SCN9A: variants seen among roughly 807,000 people sequenced by gnomAD.
SCN9A encodes sodium channel protein type 9 subunit alpha.
A neutral mutation model predicts 187.0 loss-of-function variants in SCN9A; 131 were observed. The ratio of observed to expected loss-of-function variants is 0.70; its 90% CI spans 0.61 to 0.81. SCN9A has a LOEUF of 0.81. Ranked by LOEUF, SCN9A falls within the 30% of genes least tolerant of loss-of-function variation. The probability of loss-of-function intolerance (pLI) is 0.00; values close to 1 mark genes in which losing one functional copy is unlikely to be tolerated. For synonymous variants in SCN9A, 809 were observed against 808.6 expected (o/e 1.00, Z -0.01); for missense variants, 2,252 against 2,396.6 (o/e 0.94, Z 1.26).
chr2:166,219,077 C>T (rs1035518721), intron 24 of SCN9A, among the ~76,000 whole-genome samples: 19 of 152,038 alleles, frequency 1.2e-4, no homozygotes, highest in Admixed American at 9.8e-4. Context: ...CAGATGCTGG[C>T]GAGGGTGTGG....
intron 1 of SCN9A, among the ~76,000 whole-genome samples, chr2:166,334,384 C>T (rs1033000592): frequency 1.3e-5 from 2 of 152,088 alleles, no homozygotes; most frequent in African/African-American, 4.8e-5. Context: ...GAAGAGGCAA[C>T]ACTGTTCATA....
At position 166,272,809 on chromosome 2, in the gene SCN9A, C is replaced by A. The variant is rs1263863618; in HGVS notation, c.2941G>T (p.Glu981Ter). ...TGGAGGTTGTTTGCATCAGGGTCTT[C>A]TTCAATTGCTGTAAGATTGTCTGAA... ...FSSDNLTAIEEDPDANNLQIA... is the reference protein window; with the variant it reads ...FSSDNLTAIE Residue 981 changes from glutamate to a stop codon, truncating the protein, a stop_gained, in exon 17 of 27, where the codon GAA becomes TAA. Coordinates refer to ENST00000642356, the MANE Select transcript of SCN9A (RefSeq NM_001365536.1). LOFTEE classifies it high-confidence loss of function. 2 of 1,520,756 alleles carry A rather than the reference C, an allele frequency of 1.3e-6. No individual in the cohort carries two copies. Among genetic ancestry groups the A allele is most frequent in the Admixed American group, 2.2e-5 (1 of 44,508 alleles). The allele number at this position is 1,520,756 out of a possible 1,614,324, so 94.2% of individuals were successfully genotyped here.
In SCN9A at chr2:166,280,720, A is replaced by G. The variant is rs911906293; in HGVS notation, c.2105-125T>C. 1.3e-5 allele frequency: 8 copies of G among 634,514 alleles called. No individual in the cohort carries two copies. The Admixed American group carries it at 2.3e-4, about 19-fold the overall frequency. The allele number at this position is 634,514 out of a possible 1,614,324, so 39.3% of individuals were successfully genotyped here. On this transcript the variant is annotated intron_variant, in intron 13 of 26. Transcript: ENST00000642356. ...ATAGTTTAGATTTTGAAAATTTAAC[A>G]GTACTATTTCAATGAAAGCATAGCC...
intron 5 of SCN9A, among the ~76,000 whole-genome samples, chr2:166,305,501 T>C (rs1406434914): frequency 6.6e-6 from 1 of 152,130 alleles, no homozygotes; most frequent in Non-Finnish European, 1.5e-5. Context: ...AAACAAGAAC[T>C]TGGAAAAAGT....
At chr2:166,316,567 C>A (rs1397580389) in intron 1 of SCN9A, among the ~76,000 whole-genome samples, 4 of 152,130 alleles carry the variant, frequency 2.6e-5, no homozygotes, top group Admixed American at 1.3e-4. Flanking sequence ...TGTTGGCAGG[C>A]GCCTATAGTC....
At chr2:166,317,108 A>T (rs540598706) in intron 1 of SCN9A, among the ~76,000 whole-genome samples, 1 of 151,312 alleles carries the variant, frequency 6.6e-6, no homozygotes, top group Non-Finnish European at 1.5e-5. Flanking sequence ...TACACAATGC[A>T]TTTAACAAAG....
At chr2:166,330,619 T>C (rs947571995) in intron 1 of SCN9A, among the ~76,000 whole-genome samples, 1 of 152,184 alleles carries the variant, frequency 6.6e-6, no homozygotes, top group African/African-American at 2.4e-5. Context: ...ACTGGTTTCA[T>C]GGAAGACAAT....
Position 166,280,473 on chromosome 2 carries a change from C to A in SCN9A, c.2227G>T (p.Asp743Tyr), listed in dbSNP as rs1186212683. 1 of 1,585,318 alleles carries A rather than the reference C, an allele frequency of 6.3e-7. No individual in the cohort carries two copies. The highest frequency in any genetic ancestry group is 8.6e-7 in the Non-Finnish European group (1 of 1,163,156). The change falls in exon 14 of 27, where the codon GAT becomes TAT. Residue 743 changes from aspartate to tyrosine, a missense_variant. By Grantham distance (160) the Asp-to-Tyr change is radical (BLOSUM62 -3). Around this residue, in one of 7 missense-constraint regions of SCN9A, gnomAD observed 1,013 missense variants for 997.4 expected, o/e 1.02. Coordinates refer to ENST00000642356, the MANE Select transcript of SCN9A (RefSeq NM_001365536.1). ...FKKCIYFIVM[D>Y]PFVDLAITIC... ...GTAATTGCAAGATCTACAAAAGGAT[C>A]CATTACAATAAAATAGATACACTTT...
chr2:166,212,485 G>C (rs183720681), intron 24 of SCN9A, among the ~76,000 whole-genome samples: 2 of 152,262 alleles, frequency 1.3e-5, no homozygotes, highest in Admixed American at 1.3e-4. Flanking sequence ...ATGTAAATAC[G>C]TAAAGCAATC....
At chr2:166,223,232 T>C (rs937973812) in intron 24 of SCN9A, among the ~76,000 whole-genome samples, 3 of 152,186 alleles carry the variant, frequency 2.0e-5, no homozygotes, top group African/African-American at 7.2e-5. Flanking sequence ...AAATTTGAAC[T>C]CAGGATCTCA....
At chr2:166,278,347 T>C in intron 14 of SCN9A, 34 bp from the exon 15 acceptor site, 1 of 1,492,426 alleles carries the variant, frequency 6.7e-7, no homozygotes. Flanking sequence ...TCTGTTAATA[T>C]TAGAAAACAG....
At chr2:166,293,397 G>C (rs754556436) in intron 8 of SCN9A, 25 bp from the exon 9 acceptor site, 4 of 1,570,698 alleles carry the variant, frequency 2.5e-6, no homozygotes, top group Middle Eastern at 3.4e-4. Flanking sequence ...GAACATTATA[G>C]GTGAGAGTGT....
At chr2:166,211,127 A>G (rs1300600254) in intron 24 of SCN9A, among the ~76,000 whole-genome samples, 1 of 152,166 alleles carries the variant, frequency 6.6e-6, no homozygotes, top group East Asian at 1.9e-4. Flanking sequence ...AGTGAAAGGG[A>G]AGTTTGAAAG....
intron 21 of SCN9A, among the ~76,000 whole-genome samples, chr2:166,230,392 G>A (rs959203087): frequency 2.6e-5 from 4 of 152,138 alleles, no homozygotes; most frequent in Non-Finnish European, 5.9e-5. Context: ...AATAGGAATA[G>A]AGAATGAAGT....
intron 20 of SCN9A, among the ~76,000 whole-genome samples, chr2:166,236,670 G>C (rs1403195593): frequency 6.6e-6 from 1 of 152,126 alleles, no homozygotes; most frequent in Non-Finnish European, 1.5e-5. Flanking sequence ...TGATCCACCT[G>C]CCTCGGACTC....
chr2:166,373,081 T>C (rs1331089744), intron 1 of SCN9A, among the ~76,000 whole-genome samples: 1 of 152,276 alleles, frequency 6.6e-6, no homozygotes, highest in South Asian at 2.1e-4. Flanking sequence ...CGCATAGAGT[T>C]CAGGCATTGG....
chr2:166,343,762 A>C (rs1398383489), intron 1 of SCN9A, among the ~76,000 whole-genome samples: 2 of 152,076 alleles, frequency 1.3e-5, no homozygotes, highest in African/African-American at 2.4e-5. Flanking sequence ...GTGCCACTGC[A>C]CTCAGCCTGG....
At position 166,198,484 on chromosome 2, in the gene SCN9A, A is replaced by AATC. The variant is rs1423193149; in HGVS notation, c.*185_*187dup. ...CAGAGTTCTCTTACGATTCTTAAAGAATCATCAGTGCAAAAATAACCATCT... is the reference window on the plus strand; with the variant it reads ...CAGAGTTCTCTTACGATTCTTAAAGAATCATCATCAGTGCAAAAATAACCATCT... On this transcript the variant is annotated 3_prime_UTR_variant, in exon 27 of 27. Coordinates refer to ENST00000642356, the MANE Select transcript of SCN9A (RefSeq NM_001365536.1). The AATC allele has an allele frequency of 7.2e-6, 4 of 558,062 alleles. No homozygotes were observed. In the East Asian group the frequency reaches 1.1e-4, roughly 16 times the overall value. The allele number at this position is 558,062 out of a possible 1,614,324, so 34.6% of individuals were successfully genotyped here.
intron 1 of SCN9A, among the ~76,000 whole-genome samples, chr2:166,354,102 T>C (rs1456911547): frequency 1.3e-5 from 2 of 151,388 alleles, no homozygotes; most frequent in Admixed American, 1.3e-4. Flanking sequence ...TTCAAACATT[T>C]ACAATAATCC....
Sources: gnomAD v4.1 joint callset for allele counts (sites outside exome capture counted in the v4.1 genomes callset) on GRCh38, gnomAD v4.1.1 for gene constraint, gnomAD v4.1.1 regional missense constraint, MANE v1.5 for transcripts, NCBI Gene and HGNC (gene_info 2026-07-23, HGNC 2026-07-21) for gene names.